The following SLC67A2 variants were observed in gnomAD, a reference collection of about 807,000 sequenced individuals.
SLC67A2 encodes the protein solute carrier family 67 member 2, also known as solute carrier family 67 member A2.
At chr2:102,725,588 T>G in the SLC67A2 span, among the ~76,000 whole-genome samples, 1 of 152,088 alleles carries the variant, frequency 6.6e-6, no homozygotes, top group Non-Finnish European at 1.5e-5. Flanking sequence ...CAGATGCATA[T>G]ACAATGGCTA....
the SLC67A2 span, chr2:102,726,882 G>A: frequency 2.5e-6 from 4 of 1,610,406 alleles, no homozygotes; most frequent in Non-Finnish European, 8.5e-7. Flanking sequence ...GAAACACATT[G>A]GTGGCTGCTC....
chr2:102,719,794 G>C, the SLC67A2 span, among the ~76,000 whole-genome samples: 2 of 152,178 alleles, frequency 1.3e-5, no homozygotes, highest in African/African-American at 2.4e-5. Flanking sequence ...CCACATATGT[G>C]ACAGCCTGCC....
At chr2:102,736,066 ACAT>A in the SLC67A2 span, among the ~76,000 whole-genome samples, 1 of 152,004 alleles carries the variant, frequency 6.6e-6, no homozygotes, top group Non-Finnish European at 1.5e-5. Flanking sequence ...ACAGGCACAC[ACAT>A]CATGATGAAA....
At chr2:102,726,717 CACTCTTT>C in the SLC67A2 span, 1 of 1,362,494 alleles carries the variant, frequency 7.3e-7, no homozygotes, top group Non-Finnish European at 9.9e-7. Context: ...CCCTTCTGAA[CACTCTTT>C]AAGCAAGTAA....
the SLC67A2 span, chr2:102,718,810 C>A: frequency 6.2e-7 from 1 of 1,613,820 alleles, no homozygotes; most frequent in Non-Finnish European, 8.5e-7. Context: ...TGTGCTTGTA[C>A]AGCCGTAGGA....
At chr2:102,733,061 A>G in the SLC67A2 span, among the ~76,000 whole-genome samples, 1 of 152,320 alleles carries the variant, frequency 6.6e-6, no homozygotes, top group Non-Finnish European at 1.5e-5. Context: ...AAATATGATG[A>G]GCATTAAGTG....
the SLC67A2 span, among the ~76,000 whole-genome samples, chr2:102,720,968 C>G: frequency 6.6e-6 from 1 of 152,166 alleles, no homozygotes; most frequent in African/African-American, 2.4e-5. Flanking sequence ...TATGTGCTGT[C>G]TAGCCAGGTC....
the SLC67A2 span, among the ~76,000 whole-genome samples, chr2:102,726,426 A>G: frequency 1.3e-5 from 2 of 152,202 alleles, no homozygotes; most frequent in Non-Finnish European, 2.9e-5. Flanking sequence ...GGGCTCTGTC[A>G]AGTACGACTC....
the SLC67A2 span, among the ~76,000 whole-genome samples, chr2:102,724,664 T>C: frequency 1.5e-4 from 23 of 152,286 alleles, no homozygotes; most frequent in Admixed American, 1.5e-3. Flanking sequence ...TAGTAGAAAC[T>C]GAATAAATGC....
chr2:102,717,673 C>T, the SLC67A2 span: 1 of 152,172 alleles, frequency 6.6e-6, no homozygotes. Context: ...ATTACAAACA[C>T]AATTTTAAGA....
chr2:102,715,696 A>G, the SLC67A2 span: 4 of 152,140 alleles, frequency 2.6e-5, no homozygotes, highest in African/African-American at 4.8e-5. Flanking sequence ...ATACTCCTAA[A>G]ATAAGATTCC....
chr2:102,736,557 G>C, the SLC67A2 span: 5 of 1,610,742 alleles, frequency 3.1e-6, no homozygotes, highest in Non-Finnish European at 4.2e-6. Flanking sequence ...CCCACTCCCT[G>C]GGAGCTCCCC....
the SLC67A2 span, chr2:102,732,314 C>T: frequency 6.2e-7 from 1 of 1,609,498 alleles, no homozygotes; most frequent in Non-Finnish European, 8.5e-7. Flanking sequence ...GCAATATCGA[C>T]CACTCACCTA....
At chr2:102,730,046 T>C in the SLC67A2 span, among the ~76,000 whole-genome samples, 1 of 152,172 alleles carries the variant, frequency 6.6e-6, no homozygotes, top group Non-Finnish European at 1.5e-5. Flanking sequence ...AAATAGACTA[T>C]TCTACTGAAC....
the SLC67A2 span, chr2:102,726,869 A>G: frequency 6.2e-7 from 1 of 1,611,826 alleles, no homozygotes. Flanking sequence ...GCCAGGACAA[A>G]CAGAAACACA....
At chr2:102,734,678 C>T in the SLC67A2 span, among the ~76,000 whole-genome samples, 1 of 152,106 alleles carries the variant, frequency 6.6e-6, no homozygotes, top group Non-Finnish European at 1.5e-5. Flanking sequence ...AAAATCCCTA[C>T]TCTTTCAACT....
chr2:102,720,779 T>C, the SLC67A2 span, among the ~76,000 whole-genome samples: 1 of 152,258 alleles, frequency 6.6e-6, no homozygotes, highest in South Asian at 2.1e-4. Context: ...GAAATCACAA[T>C]GAAAAGGCTT....
the SLC67A2 span, among the ~76,000 whole-genome samples, chr2:102,722,603 T>A: frequency 6.6e-6 from 1 of 152,138 alleles, no homozygotes; most frequent in Non-Finnish European, 1.5e-5. Flanking sequence ...CACATCACAT[T>A]ACAAAAATCA....
the SLC67A2 span, chr2:102,718,778 T>A: frequency 6.2e-7 from 1 of 1,613,786 alleles, no homozygotes; most frequent in Non-Finnish European, 8.5e-7. Flanking sequence ...TATGCTGGAA[T>A]GCAGCAGCAG....
Sources: gnomAD v4.1 joint callset for allele counts (sites outside exome capture counted in the v4.1 genomes callset) on GRCh38, gnomAD v4.1.1 for gene constraint, MANE v1.5 for transcripts, NCBI Gene and HGNC (gene_info 2026-07-23, HGNC 2026-07-21) for gene names.